The following PPP2R5E variants were observed in gnomAD, a reference collection of about 807,000 sequenced individuals.
PPP2R5E encodes serine/threonine-protein phosphatase 2A 56 kDa regulatory subunit epsilon isoform.
In PPP2R5E, 4 loss-of-function variants were observed where a neutral mutation model predicts 65.3. The observed-to-expected ratio is 0.06, with a 90% CI of 0.03 to 0.14. The LOEUF is 0.14. PPP2R5E is among the 10% of genes least tolerant of loss of function. PPP2R5E has a pLI of 1.00. For synonymous variants in PPP2R5E, 183 were observed against 187.4 expected (o/e 0.98, Z 0.19); for missense variants, 274 against 556.1 (o/e 0.49, Z 5.10).
intron 1 of PPP2R5E, among the ~76,000 whole-genome samples, chr14:63,540,615 C>T (rs557380524): frequency 1.3e-4 from 19 of 149,100 alleles, no homozygotes; most frequent in South Asian, 1.3e-3. Flanking sequence ...CCCAGCTACT[C>T]GGGAGGCTGA....
In PPP2R5E at chr14:63,396,724, A is replaced by G; in HGVS notation, c.550-8T>C. 6.2e-7 allele frequency: 1 copy of G among 1,613,110 alleles called. No individual in the cohort carries two copies. Among genetic ancestry groups the G allele is most frequent in the Non-Finnish European group, 8.5e-7 (1 of 1,179,518 alleles). ...GTCAAATAGCTCCAGAAGCTGTTGT[A>G]AATGAAAGACATTATAGCTGTCAAA... On this transcript the variant is annotated splice_polypyrimidine_tract_variant and splice_region_variant and intron_variant, in intron 5 of 13. Transcript: ENST00000337537.
Position 63,374,998 on chromosome 14 carries a change from T to G in PPP2R5E, c.*1011A>C, listed in dbSNP as rs567717418. ...TTTTCCCAGAGGCTACATCCTCTTT[T>G]GCTGGAATACTTTATAAATACATAT... On this transcript the variant is annotated 3_prime_UTR_variant, in exon 14 of 14. Coordinates refer to ENST00000337537, the MANE Select transcript of PPP2R5E (RefSeq NM_006246.5). The G allele has an allele frequency of 6.5e-6, 1 of 152,684 alleles. No homozygotes were observed. The highest frequency in any genetic ancestry group is 1.9e-4 in the East Asian group (1 of 5,184). The allele number at this position is 152,684 out of a possible 1,614,324, so 9.5% of individuals were successfully genotyped here. A position where few individuals can be genotyped will look rare whatever the true frequency, so the allele number is the denominator to read the frequency against.
intron 3 of PPP2R5E, among the ~76,000 whole-genome samples, chr14:63,422,460 C>T (rs1242753061): frequency 1.3e-5 from 2 of 152,202 alleles, no homozygotes; most frequent in Non-Finnish European, 2.9e-5. Context: ...GGCGCAGTGG[C>T]TCACGCCTGT....
chr14:63,466,978 G>A (rs927979695), intron 2 of PPP2R5E, among the ~76,000 whole-genome samples: 4 of 152,110 alleles, frequency 2.6e-5, no homozygotes, highest in East Asian at 1.9e-4. Flanking sequence ...TGTAATCCCA[G>A]CACTTTGGGA....
intron 2 of PPP2R5E, among the ~76,000 whole-genome samples, chr14:63,520,288 G>A (rs1367884058): frequency 3.9e-5 from 6 of 151,974 alleles, no homozygotes; most frequent in African/African-American, 1.5e-4. Context: ...GCCCGCCTCG[G>A]CCTCCCAAAG....
At chr14:63,429,159 G>T (rs1887492901) in intron 3 of PPP2R5E, among the ~76,000 whole-genome samples, 1 of 152,126 alleles carries the variant, frequency 6.6e-6, no homozygotes, top group Non-Finnish European at 1.5e-5. Context: ...AGTATAACAA[G>T]TCAATTTAAA....
At chr14:63,482,473 AC>A (rs1351261042) in intron 2 of PPP2R5E, among the ~76,000 whole-genome samples, 2 of 152,032 alleles carry the variant, frequency 1.3e-5, no homozygotes, top group Non-Finnish European at 2.9e-5. Flanking sequence ...AACAACAACA[AC>A]AAAAAAAAAC....
chr14:63,405,663 T>C (rs1006840078), intron 5 of PPP2R5E, among the ~76,000 whole-genome samples: 26 of 152,226 alleles, frequency 1.7e-4, no homozygotes, highest in Admixed American at 4.6e-4. Context: ...GTTGCTAAAC[T>C]CTTGCCACAA....
chr14:63,413,617 C>T (rs547423337), intron 5 of PPP2R5E, among the ~76,000 whole-genome samples: 4 of 152,284 alleles, frequency 2.6e-5, no homozygotes, highest in South Asian at 2.1e-4. Context: ...AATCAACTAA[C>T]GCAGGCAAAG....
At chr14:63,418,418 A>G (rs1886817401) in intron 4 of PPP2R5E, among the ~76,000 whole-genome samples, 1 of 152,234 alleles carries the variant, frequency 6.6e-6, no homozygotes. Flanking sequence ...AGACATATTT[A>G]TTAATAAGCA....
At chr14:63,520,034 C>G (rs1594965180) in intron 2 of PPP2R5E, among the ~76,000 whole-genome samples, 1 of 151,678 alleles carries the variant, frequency 6.6e-6, no homozygotes, top group East Asian at 2.0e-4. Context: ...AGTCTCTGAT[C>G]TCTAGCTACA....
At chr14:63,428,129 G>A (rs371995582) in intron 3 of PPP2R5E, among the ~76,000 whole-genome samples, 3 of 152,134 alleles carry the variant, frequency 2.0e-5, no homozygotes, top group South Asian at 2.1e-4. Context: ...GAACTATAAC[G>A]ATCTCTCATC....
chr14:63,422,918 A>G (rs188636794), intron 3 of PPP2R5E, among the ~76,000 whole-genome samples: 18 of 152,282 alleles, frequency 1.2e-4, no homozygotes, highest in African/African-American at 4.1e-4. Context: ...TGATACCCAG[A>G]GTAAAATCCT....
chr14:63,447,742 C>T (rs1888564319), intron 3 of PPP2R5E, among the ~76,000 whole-genome samples: 2 of 152,186 alleles, frequency 1.3e-5, no homozygotes, highest in Non-Finnish European at 2.9e-5. Context: ...GACATGCCTT[C>T]CTCACTAAGC....
intron 2 of PPP2R5E, among the ~76,000 whole-genome samples, chr14:63,532,199 AG>A (rs1176024313): frequency 6.6e-6 from 1 of 152,158 alleles, no homozygotes; most frequent in Middle Eastern, 3.2e-3. Context: ...CTACTATACA[AG>A]AGTATAATGA....
chr14:63,428,093 G>A (rs1421110786), intron 3 of PPP2R5E, among the ~76,000 whole-genome samples: 1 of 152,026 alleles, frequency 6.6e-6, no homozygotes, highest in African/African-American at 2.4e-5. Context: ...GCCACTCAAA[G>A]GATGACTTCG....
At chr14:63,414,536 C>T (rs1038738537) in intron 5 of PPP2R5E, among the ~76,000 whole-genome samples, 2 of 152,114 alleles carry the variant, frequency 1.3e-5, no homozygotes, top group Non-Finnish European at 2.9e-5. Context: ...TGAAAGCACC[C>T]AAGTTCCAGG....
intron 13 of PPP2R5E, among the ~76,000 whole-genome samples, chr14:63,379,174 A>G (rs893929909): frequency 2.0e-5 from 3 of 151,764 alleles, no homozygotes; most frequent in Admixed American, 2.0e-4. Flanking sequence ...GACTACAGGC[A>G]CCCGCCACCA....
intron 2 of PPP2R5E, among the ~76,000 whole-genome samples, chr14:63,476,533 G>A (rs1890420629): frequency 6.6e-6 from 1 of 152,092 alleles, no homozygotes; most frequent in African/African-American, 2.4e-5. Flanking sequence ...TAATAAGGAG[G>A]CTTCAAATCC....
Sources: gnomAD v4.1 joint callset for allele counts (sites outside exome capture counted in the v4.1 genomes callset) on GRCh38, gnomAD v4.1.1 for gene constraint, MANE v1.5 for transcripts, NCBI Gene and HGNC (gene_info 2026-07-23, HGNC 2026-07-21) for gene names.